The following CAMKK1 variants were observed in gnomAD, a reference collection of about 807,000 sequenced individuals.
CAMKK1 encodes calcium/calmodulin dependent protein kinase kinase 1.
A neutral mutation model predicts 63.5 loss-of-function variants in CAMKK1; 20 were observed. That is an observed-to-expected ratio of 0.32 (90% CI 0.22 to 0.46). The LOEUF (loss-of-function observed/expected upper bound fraction) is 0.46. Among genes scored for constraint, CAMKK1 ranks in the 20% least tolerant of loss-of-function variants. The pLI is 1.00. For missense variants in CAMKK1, 588 were observed against 658.1 expected (o/e 0.89, Z 1.17); for synonymous variants, 253 against 269.0 (o/e 0.94, Z 0.58).
rs531117610 is a variant in CAMKK1, at chr17:3,865,090, G to A, written c.1445+818C>T. 2,063 of 969,394 alleles carry A rather than the reference G, an allele frequency of 2.1e-3. 5 individuals are homozygous for A. Among genetic ancestry groups the A allele is most frequent in the Non-Finnish European group, 2.3e-3 (1,914 of 815,388 alleles). 60.0% of individuals were successfully genotyped at this position (969,394 alleles called of 1,614,324 possible). On this transcript the variant is annotated intron_variant, in intron 15 of 15. Transcript: ENST00000348335. ...AAGGCAGTGGCTGTCCCAGGACCACGCTGTGGTTCAGGACCCCACTGGTTT... is the reference window on the plus strand; with the variant it reads ...AAGGCAGTGGCTGTCCCAGGACCACACTGTGGTTCAGGACCCCACTGGTTT...
rs1235502448 is a variant in CAMKK1 at position 3,885,497 on chromosome 17, G to A, written c.191C>T (p.Ala64Val). 2 of 1,613,828 alleles carry A rather than the reference G, an allele frequency of 1.2e-6. No homozygotes were observed. The highest frequency in any genetic ancestry group is 1.7e-6 in the Non-Finnish European group (2 of 1,180,012). Reference sequence around the variant, plus strand: ...CTTCCTGGCTGAGAGGCTAGGCCGGGCTGGGAGCAGTCTTGAAGTACTGCC... The same window carrying A: ...CTTCCTGGCTGAGAGGCTAGGCCGGACTGGGAGCAGTCTTGAAGTACTGCC... ...IPGSTSRLLP[A>V]RPSLSARKLS... Residue 64 changes from alanine to valine, a missense_variant, in exon 2 of 16, where the codon GCC becomes GTC. Ala to Val is a moderately conservative substitution (Grantham distance 64). Transcript: ENST00000348335.
chr17:3,872,039 G>T (rs951914229), intron 12 of CAMKK1, among the ~76,000 whole-genome samples: 1 of 152,228 alleles, frequency 6.6e-6, no homozygotes, highest in African/African-American at 2.4e-5. Flanking sequence ...AACCATGCAT[G>T]AGCAAGAGGC....
chr17:3,888,083 A>T (rs1293478752), intron 1 of CAMKK1, among the ~76,000 whole-genome samples: 1 of 152,134 alleles, frequency 6.6e-6, no homozygotes, highest in Non-Finnish European at 1.5e-5. Flanking sequence ...CAGAGAGGCA[A>T]CCCCAGCAAG....
chr17:3,869,643 G>T, intron 13 of CAMKK1, 28 bp from the exon 14 acceptor site: 1 of 1,613,978 alleles, frequency 6.2e-7, no homozygotes, highest in Non-Finnish European at 8.5e-7. Flanking sequence ...GCAGGGAGAG[G>T]GGGAGAGGTC....
At chr17:3,874,231 T>C (rs959249545) in intron 10 of CAMKK1, among the ~76,000 whole-genome samples, 1 of 152,124 alleles carries the variant, frequency 6.6e-6, no homozygotes, top group Non-Finnish European at 1.5e-5. Flanking sequence ...GCCAAGGCCC[T>C]CTTCCAGATG....
chr17:3,885,628 C>A lies in CAMKK1; in HGVS notation c.60G>T (p.Val20=). Residue 20 remains valine (V), a synonymous_variant, in exon 2 of 16, where the codon GTG becomes GTT. Coordinates refer to ENST00000348335, the MANE Select transcript of CAMKK1 (RefSeq NM_032294.3). ...QDPRAELVER[V]AAIDVTHLEE... is the part of the protein sequence containing the mutation. ...CCAAGTGAGTCACATCGATGGCTGC[C>A]ACCCGTTCTACCAGCTCTGCCCGAG... 6.2e-7 allele frequency: 1 copy of A among 1,614,004 alleles called. No homozygotes were observed. Among genetic ancestry groups the A allele is most frequent in the Non-Finnish European group, 8.5e-7 (1 of 1,180,026 alleles).
intron 8 of CAMKK1, among the ~76,000 whole-genome samples, chr17:3,880,898 A>G (rs996329533): frequency 3.3e-5 from 5 of 152,192 alleles, no homozygotes; most frequent in Non-Finnish European, 4.4e-5. Flanking sequence ...AGCAATAGAA[A>G]TATATATTTC....
chr17:3,870,548 G>C (rs2054798794), intron 12 of CAMKK1, among the ~76,000 whole-genome samples: 1 of 152,094 alleles, frequency 6.6e-6, no homozygotes, highest in Non-Finnish European at 1.5e-5. Flanking sequence ...TGTATTTTTA[G>C]TAGAGACGGG....
chr17:3,883,320 C>A lies in CAMKK1; in HGVS notation c.514+109G>T. 1.4e-6 allele frequency: 2 copies of A among 1,467,970 alleles called. No homozygotes were observed. Among genetic ancestry groups the A allele is most frequent in the Non-Finnish European group, 1.9e-6 (2 of 1,051,388 alleles). 90.9% of individuals were successfully genotyped at this position (1,467,970 alleles called of 1,614,324 possible). A position where few individuals can be genotyped will look rare whatever the true frequency, so the allele number is the denominator to read the frequency against. On this transcript the variant is annotated intron_variant, in intron 5 of 15. Coordinates refer to ENST00000348335, the MANE Select transcript of CAMKK1 (RefSeq NM_032294.3). This position sits in a 1 kb window ranked among gnomAD's most constrained non-coding sequence, Gnocchi z 4.7. The stretch of plus-strand genomic sequence containing the variant: ...CATTCTGTCCCCAGGCCTCTGCTCA[C>A]GCTGTCTCCCTCTCTACCCCATTCC...
In CAMKK1 at chr17:3,880,405, G is replaced by GGCTTGTCACAGGGCACTTCCATGA. The variant is rs1371382103; in HGVS notation, c.713_736dup (p.Lys245_Pro246insLeuMetGluValProCysAspLys). 6.2e-7 allele frequency: 1 copy of GGCTTGTCACAGGGCACTTCCATGA among 1,613,972 alleles called. No homozygotes were observed. Among genetic ancestry groups the GGCTTGTCACAGGGCACTTCCATGA allele is most frequent in the South Asian group, 1.1e-5 (1 of 91,026 alleles). ...GAGGCGAGCTTGCTCCTCCGAGAAGGGCTTGTCACAGGGCACTTCCATGAC... is the reference window on the plus strand; with the variant it reads ...GAGGCGAGCTTGCTCCTCCGAGAAGGGCTTGTCACAGGGCACTTCCATGAGCTTGTCACAGGGCACTTCCATGAC... On this transcript the variant is annotated inframe_insertion, in exon 9 of 16. Coordinates refer to ENST00000348335, the MANE Select transcript of CAMKK1 (RefSeq NM_032294.3).
Position 3,892,496 on chromosome 17 carries a change from T to G in CAMKK1, c.-44+443A>C. 6.6e-6 allele frequency among the ~76,000 whole-genome samples: 1 copy of G among 151,810 alleles called. No homozygotes were observed. Among genetic ancestry groups the G allele is most frequent in the Non-Finnish European group, 1.5e-5 (1 of 67,878 alleles). On this transcript the variant is annotated intron_variant, in intron 1 of 15. Coordinates refer to ENST00000348335, the MANE Select transcript of CAMKK1 (RefSeq NM_032294.3). This position sits in a 1 kb window ranked among gnomAD's most constrained non-coding sequence, Gnocchi z 7.5. ...GAGCCGCGCGCCGCCGCCGCCCCAT[T>G]CATCTCCCACCCCGCCCCCGGCTCC...
At chr17:3,871,500 A>T (rs11078469) in intron 12 of CAMKK1, among the ~76,000 whole-genome samples, 2,321 of 148,170 alleles carry the variant, frequency 0.016, 33 homozygotes, top group Middle Eastern at 0.042. Context: ...GACTACAGGC[A>T]CCCGCCACCA....
rs994625358 is a variant in CAMKK1 at position 3,862,389 on chromosome 17, G to GC, written c.1446-107dup. On this transcript the variant is annotated intron_variant, in intron 15 of 15. Transcript: ENST00000348335. The surrounding 1 kb of genome is among the most constrained non-coding windows in gnomAD (Gnocchi z 4.1). The stretch of plus-strand genomic sequence containing the variant: ...GAATCTGAATCCCACATCTCTCAAA[G>GC]CCCCCTTCACCCACTGCCCCAAGCT... 18 of 984,832 alleles carry GC rather than the reference G, an allele frequency of 1.8e-5. No homozygotes were observed. Among genetic ancestry groups the GC allele is most frequent in the Non-Finnish European group, 2.8e-5 (18 of 642,946 alleles). The allele number at this position is 984,832 out of a possible 1,614,324, so 61.0% of individuals were successfully genotyped here. A position where few individuals can be genotyped will look rare whatever the true frequency, so the allele number is the denominator to read the frequency against.
intron 10 of CAMKK1, 112 bp from the exon 11 acceptor site, chr17:3,873,574 A>C (rs942190067): frequency 3.1e-6 from 3 of 978,796 alleles, no homozygotes; most frequent in Non-Finnish European, 4.9e-6. Flanking sequence ...TCTGTCATGC[A>C]CTCACTCGAC....
chr17:3,880,178 A>C, intron 9 of CAMKK1, 168 bp downstream of exon 9: 200 of 519,850 alleles, frequency 3.8e-4, no homozygotes, highest in Middle Eastern at 5.4e-4. Context: ...GCCCCACCCC[A>C]CAAAAAGGCC....
At chr17:3,881,598 G>A in intron 8 of CAMKK1, 29 bp downstream of exon 8, 11 of 1,563,340 alleles carry the variant, frequency 7.0e-6, no homozygotes, top group South Asian at 4.7e-5. Context: ...GATGAGAATT[G>A]ACCTGCCTGA....
At position 3,892,535 on chromosome 17, in the gene CAMKK1, T is replaced by C. The variant is rs531770381; in HGVS notation, c.-44+404A>G. ...GCCCCCGGCTCCTGCAGGAAGACGCTCCGGCGGGCCGTGGGAGGAGCGCTC... is the reference window on the plus strand; with the variant it reads ...GCCCCCGGCTCCTGCAGGAAGACGCCCCGGCGGGCCGTGGGAGGAGCGCTC... On this transcript the variant is annotated intron_variant, in intron 1 of 15. Coordinates refer to ENST00000348335, the MANE Select transcript of CAMKK1 (RefSeq NM_032294.3). This position sits in a 1 kb window ranked among gnomAD's most constrained non-coding sequence, Gnocchi z 7.5. Among the ~76,000 whole-genome samples the C allele has an allele frequency of 5.1e-4, 77 of 151,954 alleles. No individual in the cohort carries two copies. The highest frequency in any genetic ancestry group is 3.3e-3 in the South Asian group (16 of 4,814).
At chr17:3,863,814 A>G (rs2054407743) in intron 15 of CAMKK1, among the ~76,000 whole-genome samples, 1 of 152,206 alleles carries the variant, frequency 6.6e-6, no homozygotes, top group African/African-American at 2.4e-5. Flanking sequence ...TCTGTTTGCC[A>G]GGTACAAACT....
At chr17:3,886,625 C>T (rs1044021371) in intron 1 of CAMKK1, among the ~76,000 whole-genome samples, 2 of 151,660 alleles carry the variant, frequency 1.3e-5, no homozygotes, top group African/African-American at 4.9e-5. Context: ...GAGCAAGACT[C>T]GGTTTCAAAA....
Sources: allele counts gnomAD v4.1 joint callset (sites outside exome capture counted in the v4.1 genomes callset), GRCh38; gene constraint gnomAD v4.1.1; non-coding constraint Gnocchi (gnomAD v3.1); transcripts MANE v1.5; gene names NCBI Gene and HGNC (gene_info 2026-07-23, HGNC 2026-07-21).